NTN1: variants seen among roughly 807,000 people sequenced by gnomAD.
NTN1 encodes netrin 1.
In NTN1, 11 loss-of-function variants were observed where a neutral mutation model predicts 54.2. The ratio of observed to expected loss-of-function variants is 0.20; its 90% CI spans 0.13 to 0.34. NTN1 has a LOEUF of 0.34. NTN1 is among the 10% of genes least tolerant of loss of function. NTN1 has a pLI of 1.00. For synonymous variants in NTN1, 371 were observed against 382.0 expected (o/e 0.97, Z 0.33); for missense variants, 740 against 893.1 (o/e 0.83, Z 2.18).
intron 2 of NTN1, among the ~76,000 whole-genome samples, chr17:9,039,442 G>A (rs1483460823): frequency 1.3e-5 from 2 of 152,128 alleles, no homozygotes; most frequent in African/African-American, 2.4e-5. Context: ...TTTAAGTCTG[G>A]TCAAAATCAT....
the NTN1 span, among the ~76,000 whole-genome samples, chr17:9,013,450 A>T: frequency 2.6e-5 from 4 of 152,170 alleles, no homozygotes; most frequent in African/African-American, 4.8e-5. Flanking sequence ...TCCCGACTTC[A>T]GGTGATCTGC....
At position 9,024,142 on chromosome 17, in the gene NTN1, T is replaced by G. The variant is rs2091862659; in HGVS notation, c.1018+751T>G. On this transcript the variant is annotated intron_variant, in intron 2 of 6. Transcript: ENST00000173229. ...GTTTTGAATTAACTAAGGGTCCAGC[T>G]TCTCACTTTTTAAATAGGGTTTCAT... 3.3e-5 allele frequency among the ~76,000 whole-genome samples: 5 copies of G among 152,328 alleles called. No homozygotes were observed. The South Asian group carries it at 1.0e-3, about 32-fold the overall frequency.
chr17:9,022,937 G>T lies in NTN1; in HGVS notation c.564G>T (p.Pro188=), dbSNP rs1346635794. 1.2e-6 allele frequency: 2 copies of T among 1,611,578 alleles called. No individual in the cohort carries two copies. The highest frequency in any genetic ancestry group is 8.5e-7 in the Non-Finnish European group (1 of 1,179,706). The change falls in exon 2 of 7, where the codon CCG becomes CCT. Residue 188 remains proline, a synonymous_variant. Coordinates refer to ENST00000173229, the MANE Select transcript of NTN1 (RefSeq NM_004822.3). ...AGTGCCGCAAGATGTACAACCGGCC[G>T]CACCGCGCGCCCATCACCAAGCAGA... The part of the protein sequence containing the change: ...STQCRKMYNR[P]HRAPITKQNE...
intron 5 of NTN1, among the ~76,000 whole-genome samples, chr17:9,184,870 CAA>C (rs1377790243): frequency 6.6e-6 from 1 of 152,244 alleles, no homozygotes. Flanking sequence ...CTCCGCCAGA[CAA>C]AAGATTCCGG....
intron 5 of NTN1, among the ~76,000 whole-genome samples, chr17:9,218,644 C>T (rs1905262965): frequency 1.3e-5 from 2 of 151,610 alleles, no homozygotes; most frequent in African/African-American, 4.9e-5. Context: ...CTGCCCCGCC[C>T]CCCACCCCCG....
At chr17:9,231,186 G>A (rs979728679) in intron 6 of NTN1, among the ~76,000 whole-genome samples, 9 of 152,216 alleles carry the variant, frequency 5.9e-5, no homozygotes, top group Middle Eastern at 3.4e-3. Flanking sequence ...CAGCACCCCC[G>A]CCATTGTTCC....
intron 2 of NTN1, among the ~76,000 whole-genome samples, chr17:9,044,450 G>T (rs567970113): frequency 5.9e-5 from 9 of 152,014 alleles, no homozygotes; most frequent in Non-Finnish European, 1.3e-4. Flanking sequence ...GGCCAGGCTG[G>T]TCTCGAACTC....
rs1408847780 is a variant in NTN1, at chr17:9,219,829, G to T, written c.1412-1339G>T. On this transcript the variant is annotated intron_variant, in intron 5 of 6. Coordinates refer to ENST00000173229, the MANE Select transcript of NTN1 (RefSeq NM_004822.3). The surrounding 1 kb of genome is among the most constrained non-coding windows in gnomAD (Gnocchi z 4.5). ...ACCTGCCCCTGGAGCAGCCGCCCGT[G>T]TGTGTGCACGTGTGTGTGCACGTGT... Among the ~76,000 whole-genome samples, 1 of 151,780 alleles carries T rather than the reference G, an allele frequency of 6.6e-6. No individual in the cohort carries two copies. Among genetic ancestry groups the T allele is most frequent in the Non-Finnish European group, 1.5e-5 (1 of 67,968 alleles).
At chr17:9,149,806 A>T (rs1052062259) in intron 2 of NTN1, among the ~76,000 whole-genome samples, 3 of 152,096 alleles carry the variant, frequency 2.0e-5, no homozygotes, top group African/African-American at 7.2e-5. Flanking sequence ...TGTGGTGAGC[A>T]CCTGTAATCC....
intron 2 of NTN1, among the ~76,000 whole-genome samples, chr17:9,106,463 T>G (rs550541709): frequency 9.7e-6 from 1 of 103,334 alleles, no homozygotes; most frequent in Non-Finnish European, 2.3e-5. Flanking sequence ...CTTCCTTCCT[T>G]CCTCCCTTCC....
chr17:9,144,947 G>A (rs1294747654), intron 2 of NTN1, among the ~76,000 whole-genome samples: 4 of 152,300 alleles, frequency 2.6e-5, no homozygotes, highest in South Asian at 2.1e-4. Flanking sequence ...CAGACACACC[G>A]GTCTGTGGTC....
chr17:9,115,355 G>A (rs1194821495), intron 2 of NTN1, among the ~76,000 whole-genome samples: 1 of 152,234 alleles, frequency 6.6e-6, no homozygotes, highest in Admixed American at 6.5e-5. Flanking sequence ...GACCCACAAT[G>A]CTGGCGTCAG....
chr17:9,117,989 C>T (rs143598741), intron 2 of NTN1, among the ~76,000 whole-genome samples: 25 of 152,250 alleles, frequency 1.6e-4, no homozygotes, highest in African/African-American at 5.3e-4. Flanking sequence ...TTTCTAGAAA[C>T]GCTCAAGAGC....
intron 5 of NTN1, among the ~76,000 whole-genome samples, chr17:9,187,674 A>C (rs1195783991): frequency 6.6e-6 from 1 of 151,298 alleles, no homozygotes; most frequent in South Asian, 2.1e-4. Flanking sequence ...AAAAAAAAAA[A>C]AAAAACATTA....
chr17:9,203,314 CTGTT>C (rs141688607), intron 5 of NTN1, among the ~76,000 whole-genome samples: 6,480 of 152,222 alleles, frequency 0.043, 257 homozygotes, highest in East Asian at 0.16. Context: ...AGTAGTTTGA[CTGTT>C]TGAACCTCTT....
At chr17:9,062,865 C>T (rs1029848825) in intron 2 of NTN1, among the ~76,000 whole-genome samples, 5 of 151,194 alleles carry the variant, frequency 3.3e-5, no homozygotes, top group Admixed American at 6.6e-5. Flanking sequence ...CATTTGCCAG[C>T]GTCGCCCTTA....
rs1555579196 is a variant in NTN1, at chr17:9,228,908, C to CTGTG, written c.1486+7671_1486+7674dup. On this transcript the variant is annotated intron_variant, in intron 6 of 6. Coordinates refer to ENST00000173229, the MANE Select transcript of NTN1 (RefSeq NM_004822.3). ...TACGCATGTGTGATTGTGTTCGTGA[C>CTGTG]TGTGTGTGACTGCGTGTGTGACTGG... is the stretch of plus-strand genomic sequence containing the variant. 5.7e-4 allele frequency among the ~76,000 whole-genome samples: 86 copies of CTGTG among 149,616 alleles called. 2 individuals are homozygous for CTGTG. The highest frequency in any genetic ancestry group is 2.2e-3 in the East Asian group (11 of 5,066).
chr17:9,033,733 C>A (rs139907710), intron 2 of NTN1, among the ~76,000 whole-genome samples: 2,379 of 152,142 alleles, frequency 0.016, 66 homozygotes, highest in African/African-American at 0.054. Flanking sequence ...GCCAGACCAA[C>A]ATGGAGAAAC....
chr17:9,202,554 C>T (rs550552641), intron 5 of NTN1, among the ~76,000 whole-genome samples: 7 of 152,212 alleles, frequency 4.6e-5, no homozygotes, highest in East Asian at 1.9e-4. Context: ...TTGGTCTTGC[C>T]GGTGGGGGGA....
Sources: allele counts gnomAD v4.1 joint callset (sites outside exome capture counted in the v4.1 genomes callset), GRCh38; gene constraint gnomAD v4.1.1; non-coding constraint Gnocchi (gnomAD v3.1); transcripts MANE v1.5; gene names NCBI Gene and HGNC (gene_info 2026-07-23, HGNC 2026-07-21).